The following SHISA9 variants were observed in gnomAD, a reference collection of about 807,000 sequenced individuals.
SHISA9 encodes the protein protein shisa-9.
Under a neutral mutation model 38.0 loss-of-function variants are expected in SHISA9, and 13 were observed. The ratio of observed to expected loss-of-function variants is 0.34; its 90% confidence interval spans 0.22 to 0.54. SHISA9 has a LOEUF of 0.54. Among genes scored for constraint, SHISA9 ranks in the 20% least tolerant of loss-of-function variants. SHISA9 has a pLI of 0.91. For missense variants in SHISA9, 538 were observed against 575.8 expected (o/e 0.93, Z 0.67); for synonymous variants, 275 against 242.0 (o/e 1.14, Z -1.27).
At chr16:12,957,864 C>T (rs2071856967) in intron 2 of SHISA9, among the ~76,000 whole-genome samples, 1 of 152,168 alleles carries the variant, frequency 6.6e-6, no homozygotes, top group Non-Finnish European at 1.5e-5. Flanking sequence ...CTTACATGAT[C>T]CAGAGACAGA....
At chr16:13,551,030 A>G in the SHISA9 span, among the ~76,000 whole-genome samples, 1 of 151,120 alleles carries the variant, frequency 6.6e-6, no homozygotes, top group Non-Finnish European at 1.5e-5. Flanking sequence ...GGCTGAGGCA[A>G]GGAGAATCGC....
chr16:13,108,596 C>T (rs567297158), intron 2 of SHISA9, among the ~76,000 whole-genome samples: 2 of 152,090 alleles, frequency 1.3e-5, no homozygotes, highest in East Asian at 1.9e-4. Context: ...GAAAACCAAC[C>T]GTTACCTCAA....
At chr16:13,085,641 T>C (rs1054460440) in intron 2 of SHISA9, among the ~76,000 whole-genome samples, 3 of 152,220 alleles carry the variant, frequency 2.0e-5, no homozygotes, top group South Asian at 2.1e-4. Flanking sequence ...GTCTACGTTA[T>C]GTGTAGGTGC....
chr16:13,501,682 C>T, the SHISA9 span, among the ~76,000 whole-genome samples: 3 of 152,076 alleles, frequency 2.0e-5, no homozygotes, highest in Non-Finnish European at 2.9e-5. Context: ...GAATGGTGCC[C>T]GGCACATAAA....
Position 12,908,638 on chromosome 16 carries a change from T to C in SHISA9, c.563+6011T>C. 2.6e-6 allele frequency: 4 copies of C among 1,550,150 alleles called. No individual in the cohort carries two copies. In the South Asian group the frequency reaches 4.8e-5, roughly 18 times the overall value. On this transcript the variant is annotated intron_variant, in intron 1 of 4. Coordinates refer to ENST00000558583, the MANE Select transcript of SHISA9 (RefSeq NM_001145204.3). ...GCGTTTGAGTGCAAACCTGCAGGAA[T>C]TCCAGACTTCTCAGATCACAGAGAA...
chr16:13,121,097 T>C (rs891412667), intron 2 of SHISA9, among the ~76,000 whole-genome samples: 1 of 151,992 alleles, frequency 6.6e-6, no homozygotes, highest in East Asian at 1.9e-4. Context: ...AAGGTGAGGC[T>C]GCAGTGAGCT....
At chr16:13,539,350 T>C in the SHISA9 span, among the ~76,000 whole-genome samples, 9 of 65,976 alleles carry the variant, frequency 1.4e-4, 1 homozygote, top group African/African-American at 4.6e-4. Context: ...TATAAAGATA[T>C]ATATATATAA....
At chr16:13,319,197 T>C in the SHISA9 span, among the ~76,000 whole-genome samples, 2,983 of 152,122 alleles carry the variant, frequency 0.02, 100 homozygotes, top group African/African-American at 0.068. Context: ...TTAGTAGAGA[T>C]GGGGTTTCAC....
intron 4 of SHISA9, among the ~76,000 whole-genome samples, chr16:13,216,661 G>C (rs2051172314): frequency 1.3e-5 from 2 of 152,172 alleles, no homozygotes; most frequent in Admixed American, 1.3e-4. Flanking sequence ...CAGAGAAGTA[G>C]GTAGAGGTGC....
At chr16:13,153,885 A>G (rs1239226759) in intron 2 of SHISA9, among the ~76,000 whole-genome samples, 1 of 145,950 alleles carries the variant, frequency 6.9e-6, no homozygotes, top group African/African-American at 2.5e-5. Flanking sequence ...TTTGTGAAGC[A>G]GATGGTTCAC....
the SHISA9 span, among the ~76,000 whole-genome samples, chr16:13,562,292 C>T: frequency 6.6e-6 from 1 of 152,076 alleles, no homozygotes; most frequent in African/African-American, 2.4e-5. Context: ...ATACAGTGGC[C>T]TGATTTAGTA....
the SHISA9 span, among the ~76,000 whole-genome samples, chr16:13,353,286 A>G: frequency 0.019 from 2,916 of 152,178 alleles, 41 homozygotes; most frequent in Middle Eastern, 0.037. Context: ...TATGAACTGA[A>G]AAACTAAATG....
At chr16:13,149,350 G>T (rs962633201) in intron 2 of SHISA9, among the ~76,000 whole-genome samples, 4 of 152,140 alleles carry the variant, frequency 2.6e-5, no homozygotes, top group Non-Finnish European at 5.9e-5. Context: ...AGAGGCTATC[G>T]TTCAATGCCT....
At chr16:13,137,883 C>T (rs79406128) in intron 2 of SHISA9, among the ~76,000 whole-genome samples, 3,323 of 152,238 alleles carry the variant, frequency 0.022, 115 homozygotes, top group African/African-American at 0.074. Flanking sequence ...GCCTGAAATG[C>T]CATTTTCTCA....
At chr16:13,470,370 G>A in the SHISA9 span, among the ~76,000 whole-genome samples, 3 of 152,170 alleles carry the variant, frequency 2.0e-5, no homozygotes, top group Non-Finnish European at 2.9e-5. Flanking sequence ...TTCTCTTGCT[G>A]CTAATGAAGA....
chr16:13,173,492 A>G (rs536046710), intron 2 of SHISA9, among the ~76,000 whole-genome samples: 2 of 152,186 alleles, frequency 1.3e-5, no homozygotes, highest in East Asian at 1.9e-4. Context: ...AAAGAACAAG[A>G]GGACACTGTT....
intron 2 of SHISA9, among the ~76,000 whole-genome samples, chr16:13,166,516 C>A (rs1389486209): frequency 6.6e-6 from 1 of 152,218 alleles, no homozygotes; most frequent in East Asian, 1.9e-4. Context: ...TCCCTCTGCA[C>A]CCTCTCTCCC....
At chr16:13,021,846 G>C (rs2072858744) in intron 2 of SHISA9, among the ~76,000 whole-genome samples, 1 of 152,136 alleles carries the variant, frequency 6.6e-6, no homozygotes, top group Non-Finnish European at 1.5e-5. Context: ...ATGGGCTGAG[G>C]GGGCAGCCTG....
intron 2 of SHISA9, among the ~76,000 whole-genome samples, chr16:13,103,603 A>C (rs1285595347): frequency 6.6e-6 from 1 of 152,232 alleles, no homozygotes; most frequent in Non-Finnish European, 1.5e-5. Flanking sequence ...AAGTCACAGT[A>C]ACAGGAATTG....
Sources: gnomAD v4.1 joint callset for allele counts (sites outside exome capture counted in the v4.1 genomes callset) on GRCh38, gnomAD v4.1.1 for gene constraint, MANE v1.5 for transcripts, NCBI Gene and HGNC (gene_info 2026-07-23, HGNC 2026-07-21) for gene names.